The following MOGAT2 variants were observed in gnomAD, a reference collection of about 807,000 sequenced individuals.
The protein encoded by MOGAT2 is monoacylglycerol O-acyltransferase 2.
Under a neutral mutation model 31.5 loss-of-function variants are expected in MOGAT2, and 27 were observed. That is an observed-to-expected ratio of 0.86 (90% CI 0.63 to 1.18). MOGAT2 has a LOEUF of 1.18. MOGAT2 is among the 50% of genes most tolerant of loss of function. The probability of loss-of-function intolerance (pLI) is 0.00; values close to 1 mark genes in which losing one functional copy is unlikely to be tolerated. For synonymous variants in MOGAT2, 163 were observed against 170.0 expected (o/e 0.96, Z 0.32); for missense variants, 436 against 433.2 (o/e 1.01, Z -0.06).
In MOGAT2 at chr11:75,728,143, G is replaced by C; in HGVS notation, c.649G>C (p.Gly217Arg). ...KGFVRLALTH[G>R]APLVPIFSFG... ...CTTCGTCAGGCTCGCCCTGACACAC[G>C]GGTATCAAGCCTCTGGGAAGAGCAC... Residue 217 changes from glycine (G) to arginine (R), a missense_variant and splice_region_variant, in exon 4 of 6, where the codon GGG becomes CGG. By Grantham distance (125) the Gly-to-Arg change is moderately radical. Coordinates refer to ENST00000198801, the MANE Select transcript of MOGAT2 (RefSeq NM_025098.4). The C allele has an allele frequency of 2.5e-6, 4 of 1,612,496 alleles. No homozygotes were observed. Among genetic ancestry groups the C allele is most frequent in the Non-Finnish European group, 3.4e-6 (4 of 1,179,342 alleles).
At position 75,731,238 on chromosome 11, in the gene MOGAT2, C is replaced by A; in HGVS notation, c.957C>A (p.His319Gln). ...IKELCNLFEA[H>Q]KLKFNIPADQ... ...AGCTGTGCAACCTCTTCGAGGCCCA[C>A]AAACTTAAGTTCAACATCCCTGCTG... Residue 319 changes from histidine (H) to glutamine (Q), a missense_variant, in exon 6 of 6, where the codon CAC (histidine) becomes CAA (glutamine). His to Gln is a conservative substitution (Grantham distance 24). Coordinates refer to ENST00000198801, the MANE Select transcript of MOGAT2 (RefSeq NM_025098.4). 1.9e-6 allele frequency: 3 copies of A among 1,614,166 alleles called. No individual in the cohort carries two copies. Among genetic ancestry groups the A allele is most frequent in the Non-Finnish European group, 2.5e-6 (3 of 1,180,034 alleles).
At chr11:75,723,633 A>G (rs533136005) in intron 2 of MOGAT2, among the ~76,000 whole-genome samples, 6 of 152,308 alleles carry the variant, frequency 3.9e-5, no homozygotes, top group African/African-American at 9.6e-5. Context: ...CTGTGTTGCC[A>G]GGCTGCTTGG....
Position 75,728,649 on chromosome 11 carries a change from C to T in MOGAT2, c.651-141C>T. On this transcript the variant is annotated intron_variant, in intron 4 of 5. Coordinates refer to ENST00000198801, the MANE Select transcript of MOGAT2 (RefSeq NM_025098.4). ...GGGCTGTGAAGGTCTGGGAGATAAC[C>T]CAGGCCTCCACCTCCAGCCCAGGTG... 1.0e-5 allele frequency: 7 copies of T among 702,466 alleles called. No individual in the cohort carries two copies. In the South Asian group the frequency reaches 1.0e-4, roughly 10 times the overall value. The allele number at this position is 702,466 out of a possible 1,614,324, so 43.5% of individuals were successfully genotyped here.
chr11:75,728,599 G>C (rs1035054188), intron 4 of MOGAT2, 191 bp from the exon 5 acceptor site: 5 of 608,884 alleles, frequency 8.2e-6, no homozygotes, highest in Admixed American at 5.8e-5. Context: ...GGCCCTGCAA[G>C]GGACCTGCCC....
chr11:75,725,944 A>G (rs1381502072), intron 2 of MOGAT2, among the ~76,000 whole-genome samples: 1 of 152,228 alleles, frequency 6.6e-6, no homozygotes, highest in Non-Finnish European at 1.5e-5. Flanking sequence ...CAAGGCACTG[A>G]AAAGGGTGGC....
intron 2 of MOGAT2, among the ~76,000 whole-genome samples, chr11:75,720,402 A>T (rs1944367957): frequency 6.6e-6 from 1 of 152,168 alleles, no homozygotes; most frequent in African/African-American, 2.4e-5. Context: ...GGATTGATGG[A>T]TGTCCAGCAT....
intron 3 of MOGAT2, 31 bp from the exon 4 acceptor site, chr11:75,727,939 C>G: frequency 6.3e-7 from 1 of 1,575,780 alleles, no homozygotes; most frequent in African/African-American, 1.4e-5. Context: ...CTCCCTCACC[C>G]CATACCTGAC....
intron 5 of MOGAT2, among the ~76,000 whole-genome samples, chr11:75,730,654 T>A (rs1225948192): frequency 6.6e-6 from 1 of 152,150 alleles, no homozygotes; most frequent in African/African-American, 2.4e-5. Context: ...CTCACACTTG[T>A]AATCCCAGCA....
At chr11:75,722,291 C>G (rs1944382867) in intron 2 of MOGAT2, among the ~76,000 whole-genome samples, 1 of 152,226 alleles carries the variant, frequency 6.6e-6, no homozygotes, top group Non-Finnish European at 1.5e-5. Flanking sequence ...CTCCTCTCTC[C>G]AGCCTGGGCT....
chr11:75,728,058 C>T lies in MOGAT2; in HGVS notation c.564C>T (p.Ala188=). The change falls in exon 4 of 6, where the codon GCC becomes GCT. Residue 188 remains alanine (A), a synonymous_variant. Coordinates refer to ENST00000198801, the MANE Select transcript of MOGAT2 (RefSeq NM_025098.4). ...TGCTGGGCATCATTGTAGGGGGTGCCCAGGAGGCCCTGGATGCCAGGCCTG... is the reference window on the plus strand; with the variant it reads ...TGCTGGGCATCATTGTAGGGGGTGCTCAGGAGGCCCTGGATGCCAGGCCTG... ...GNLLGIIVGG[A]QEALDARPGS... is the part of the protein sequence containing the mutation. The T allele has an allele frequency of 6.2e-7, 1 of 1,614,076 alleles. No homozygotes were observed. The highest frequency in any genetic ancestry group is 8.5e-7 in the Non-Finnish European group (1 of 1,179,994).
chr11:75,727,203 G>A (rs1353435122), intron 2 of MOGAT2, among the ~76,000 whole-genome samples: 3 of 152,174 alleles, frequency 2.0e-5, no homozygotes, highest in Non-Finnish European at 2.9e-5. Context: ...GTAGGAGAGG[G>A]AAGCAATTTG....
chr11:75,725,180 G>A (rs931466306), intron 2 of MOGAT2, among the ~76,000 whole-genome samples: 3 of 152,182 alleles, frequency 2.0e-5, no homozygotes, highest in South Asian at 2.1e-4. Flanking sequence ...TTATGGAGGT[G>A]CAAAATTACC....
chr11:75,724,160 A>G (rs1292895294), intron 2 of MOGAT2, among the ~76,000 whole-genome samples: 1 of 152,176 alleles, frequency 6.6e-6, no homozygotes, highest in African/African-American at 2.4e-5. Context: ...CCCTGGTGAC[A>G]TGCCAGGATA....
intron 2 of MOGAT2, among the ~76,000 whole-genome samples, chr11:75,725,979 C>T (rs1354075850): frequency 6.6e-6 from 1 of 152,210 alleles, no homozygotes; most frequent in African/African-American, 2.4e-5. Flanking sequence ...ACAATCACCA[C>T]CCACAGCGAT....
chr11:75,721,311 CT>C (rs1207146788), intron 2 of MOGAT2, among the ~76,000 whole-genome samples: 1 of 151,524 alleles, frequency 6.6e-6, no homozygotes, highest in Non-Finnish European at 1.5e-5. Context: ...GAGATGGAGT[CT>C]CGCTCTGTCA....
chr11:75,730,378 G>C (rs1046851929), intron 5 of MOGAT2, among the ~76,000 whole-genome samples: 33 of 152,118 alleles, frequency 2.2e-4, no homozygotes, highest in African/African-American at 7.7e-4. Flanking sequence ...TAGAAATATA[G>C]CCGCTTCCAT....
Position 75,727,565 on chromosome 11 carries a change from G to A in MOGAT2, c.401G>A (p.Gly134Asp). 6.2e-7 allele frequency: 1 copy of A among 1,614,138 alleles called. No homozygotes were observed. Among genetic ancestry groups the A allele is most frequent in the Non-Finnish European group, 8.5e-7 (1 of 1,180,014 alleles). Residue 134 changes from glycine to aspartate, a missense_variant, in exon 3 of 6, where the codon GGT becomes GAT. Transcript: ENST00000198801. ...ESTGFSSIFP[G>D]IRPHLMMLTL... ...ACAGGCTTCTCTTCGATCTTCCCCG[G>A]TATCCGCCCCCATCTGATGATGCTG...
At chr11:75,718,354 C>A (rs949750251) in intron 1 of MOGAT2, among the ~76,000 whole-genome samples, 3 of 152,048 alleles carry the variant, frequency 2.0e-5, no homozygotes, top group Admixed American at 6.5e-5. Flanking sequence ...TCCTTCTGTG[C>A]GCTCAGGGAG....
At chr11:75,722,660 G>A (rs1380965778) in intron 2 of MOGAT2, among the ~76,000 whole-genome samples, 4 of 152,210 alleles carry the variant, frequency 2.6e-5, no homozygotes, top group African/African-American at 9.6e-5. Flanking sequence ...GCCATTGGAG[G>A]ACATTCCGCA....
Sources: gnomAD v4.1 joint callset for allele counts (sites outside exome capture counted in the v4.1 genomes callset) on GRCh38, gnomAD v4.1.1 for gene constraint, MANE v1.5 for transcripts, NCBI Gene and HGNC (gene_info 2026-07-23, HGNC 2026-07-21) for gene names.